RAB11FIP1: variants seen among roughly 807,000 people sequenced by gnomAD.
The protein encoded by RAB11FIP1 is RAB11 family interacting protein 1.
RAB11FIP1 carries 49 observed loss-of-function variants against 83.1 expected under a neutral mutation model. That is an observed-to-expected ratio of 0.59 (90% CI 0.47 to 0.75). RAB11FIP1 has a LOEUF of 0.75. Among genes scored for constraint, RAB11FIP1 ranks in the 30% least tolerant of loss-of-function variants. The pLI, the probability that RAB11FIP1 is intolerant of heterozygous loss-of-function variation, is 0.00. For missense variants in RAB11FIP1, 1,536 were observed against 1,598.7 expected (o/e 0.96, Z 0.67); for synonymous variants, 670 against 656.0 (o/e 1.02, Z -0.33).
At chr8:37,864,960 G>A (rs897746822) in intron 5 of RAB11FIP1, among the ~76,000 whole-genome samples, 4 of 150,340 alleles carry the variant, frequency 2.7e-5, no homozygotes, top group Admixed American at 1.3e-4. Context: ...CCATAGAGAC[G>A]GGATCTCTCT....
At chr8:37,898,995 G>A (rs1050065866) in intron 1 of RAB11FIP1, 76 bp downstream of exon 1, 2 of 1,351,412 alleles carry the variant, frequency 1.5e-6, no homozygotes, top group Admixed American at 7.2e-5. Flanking sequence ...ACTCTCGAAG[G>A]GTCCAGCGCC....
At position 37,895,503 on chromosome 8, in the gene RAB11FIP1, C is replaced by T. The variant is rs536356462; in HGVS notation, c.371+3568G>A. 5.7e-4 allele frequency among the ~76,000 whole-genome samples: 86 copies of T among 150,730 alleles called. 1 individual carries two copies. Among genetic ancestry groups the T allele is most frequent in the African/African-American group, 2.1e-3 (86 of 41,036 alleles). ...CCTCATATTGGTCACCCGATTCTAC[C>T]TGTTAGATTCATGTCTGTTTTGCAG... On this transcript the variant is annotated intron_variant, in intron 1 of 5. Transcript: ENST00000330843.
intron 1 of RAB11FIP1, among the ~76,000 whole-genome samples, chr8:37,888,631 AC>A (rs1806883553): frequency 6.6e-6 from 1 of 151,808 alleles, no homozygotes; most frequent in African/African-American, 2.4e-5. Flanking sequence ...GGCGTGCACC[AC>A]CACACTCTGC....
chr8:37,871,678 G>A lies in RAB11FIP1; in HGVS notation c.3124C>T (p.Pro1042Ser). ...CCGAACTCTGTGGTCTGCTCTGAAGGAGCTGTCACAGATGCCTGGGGTGCT... is the reference window on the plus strand; with the variant it reads ...CCGAACTCTGTGGTCTGCTCTGAAGAAGCTGTCACAGATGCCTGGGGTGCT... ...LQAPQASVTA[P>S]SEQTTEFGIH... Residue 1042 changes from proline (P) to serine (S), a missense_variant, in exon 4 of 6, where the codon CCT becomes TCT. By Grantham distance (74) the Pro-to-Ser change is moderately conservative. Coordinates refer to ENST00000330843, the MANE Select transcript of RAB11FIP1 (RefSeq NM_001002814.3). 1 of 1,613,958 alleles carries A rather than the reference G, an allele frequency of 6.2e-7. No individual in the cohort carries two copies. Among genetic ancestry groups the A allele is most frequent in the Non-Finnish European group, 8.5e-7 (1 of 1,179,992 alleles).
chr8:37,896,179 G>A (rs1227209080), intron 1 of RAB11FIP1, among the ~76,000 whole-genome samples: 3 of 151,764 alleles, frequency 2.0e-5, no homozygotes, highest in Middle Eastern at 3.2e-3. Flanking sequence ...ACATGGTGGC[G>A]GGTGCCTGTA....
intron 5 of RAB11FIP1, among the ~76,000 whole-genome samples, chr8:37,863,479 C>A (rs1806283347): frequency 6.6e-6 from 1 of 152,024 alleles, no homozygotes; most frequent in South Asian, 2.1e-4. Context: ...AACTCCTGAC[C>A]CCAGGTGATC....
At chr8:37,869,101 G>A (rs1226448485) in intron 5 of RAB11FIP1, among the ~76,000 whole-genome samples, 5 of 150,796 alleles carry the variant, frequency 3.3e-5, no homozygotes, top group South Asian at 4.2e-4. Flanking sequence ...GGTGGTGCTC[G>A]CCTGTAGTCC....
rs953100756 is a variant in RAB11FIP1 at position 37,885,417 on chromosome 8, C to G, written c.372-7866G>C. ...ATCCCATGCCCCTCAGTCTCCATAC[C>G]AGAGACAACCACTATTATCAGTTTT... On this transcript the variant is annotated intron_variant, in intron 1 of 5. Coordinates refer to ENST00000330843, the MANE Select transcript of RAB11FIP1 (RefSeq NM_001002814.3). Among the ~76,000 whole-genome samples the G allele has an allele frequency of 3.7e-4, 56 of 152,162 alleles. 2 individuals are homozygous for G. Among genetic ancestry groups the G allele is most frequent in the South Asian group, 2.1e-4 (1 of 4,836 alleles).
At chr8:37,869,186 C>T (rs1456338559) in intron 5 of RAB11FIP1, among the ~76,000 whole-genome samples, 1 of 149,054 alleles carries the variant, frequency 6.7e-6, no homozygotes, top group African/African-American at 2.5e-5. Context: ...CGTGATCATG[C>T]CACTCCACTC....
At chr8:37,895,230 TATATATATATATATATATATATATATATA>T (rs1253406515) in intron 1 of RAB11FIP1, among the ~76,000 whole-genome samples, 7 of 5,722 alleles carry the variant, frequency 1.2e-3, no homozygotes, top group South Asian at 7.9e-3. Flanking sequence ...TATATATATA[TATATATATATATATATATATATATATATA>T]TTTTTTTTTT....
intron 1 of RAB11FIP1, 61 bp from the exon 2 acceptor site, chr8:37,877,612 A>G (rs1226334954): frequency 1.8e-6 from 2 of 1,115,746 alleles, no homozygotes; most frequent in Non-Finnish European, 2.6e-6. Flanking sequence ...AATGTTCACA[A>G]TCCCCATGAA....
At chr8:37,896,135 C>T (rs1022445278) in intron 1 of RAB11FIP1, among the ~76,000 whole-genome samples, 1 of 151,986 alleles carries the variant, frequency 6.6e-6, no homozygotes, top group Non-Finnish European at 1.5e-5. Context: ...CATGGTGAAA[C>T]CCCATCTCTA....
Position 37,871,448 on chromosome 8 carries a change from A to C in RAB11FIP1, c.3354T>G (p.Thr1118=). Residue 1118 remains threonine (T), a synonymous_variant, in exon 4 of 6, where the codon ACT becomes ACG. Coordinates refer to ENST00000330843, the MANE Select transcript of RAB11FIP1 (RefSeq NM_001002814.3). ...GAGATTCTGCTGTGCTGGTGTGGTG[A>C]GTGTCAGAATGTGCAGAGCTGGGGA... ...HSFPSSAHSD[T]HHTSTAESQK... 6.2e-7 allele frequency: 1 copy of C among 1,613,332 alleles called. No individual in the cohort carries two copies. Among genetic ancestry groups the C allele is most frequent in the Non-Finnish European group, 8.5e-7 (1 of 1,179,748 alleles).
chr8:37,867,356 G>A (rs1425425399), intron 5 of RAB11FIP1, among the ~76,000 whole-genome samples: 1 of 152,182 alleles, frequency 6.6e-6, no homozygotes, highest in Non-Finnish European at 1.5e-5. Flanking sequence ...TTCTGGCTGT[G>A]GCTGATAATT....
chr8:37,877,017 C>A, intron 2 of RAB11FIP1, 92 bp downstream of exon 2: 1 of 966,796 alleles, frequency 1.0e-6, no homozygotes, highest in Non-Finnish European at 1.6e-6. Context: ...GAATTAAACT[C>A]TTTCTCTTGA....
chr8:37,888,260 C>T (rs1226836359), intron 1 of RAB11FIP1, among the ~76,000 whole-genome samples: 1 of 152,136 alleles, frequency 6.6e-6, no homozygotes, highest in African/African-American at 2.4e-5. Flanking sequence ...GCGCCCACCA[C>T]TACACCCGGC....
At chr8:37,881,767 GCTCACTGCAGCCCTGGA>G (rs1388140070) in intron 1 of RAB11FIP1, among the ~76,000 whole-genome samples, 1 of 152,050 alleles carries the variant, frequency 6.6e-6, no homozygotes, top group Non-Finnish European at 1.5e-5. Context: ...TGCGATCATA[GCTCACTGCAGCCCTGGA>G]CTCCTGGGCT....
rs1563367782 is a variant in RAB11FIP1 at position 37,872,753 on chromosome 8, GTTC to G, written c.2046_2048del (p.Lys682del). Reference sequence around the variant, plus strand: ...ACTCCTCCAACTCAAGGCTGCTGGTGTTCTTCTCTGTGCCTGTCTCACGGGTCC... The same window carrying G: ...ACTCCTCCAACTCAAGGCTGCTGGTGTTCTCTGTGCCTGTCTCACGGGTCC... On this transcript the variant is annotated inframe_deletion, in exon 4 of 6. Transcript: ENST00000330843. 5.6e-6 allele frequency: 9 copies of G among 1,614,250 alleles called. No individual in the cohort carries two copies. Among genetic ancestry groups the G allele is most frequent in the Middle Eastern group, 1.6e-4 (1 of 6,062 alleles).
intron 1 of RAB11FIP1, among the ~76,000 whole-genome samples, chr8:37,886,999 C>T (rs1202656968): frequency 2.0e-5 from 3 of 152,094 alleles, no homozygotes; most frequent in Non-Finnish European, 2.9e-5. Context: ...GTTTAACGAG[C>T]GCTGGTATTG....
Sources: gnomAD v4.1 joint callset for allele counts (sites outside exome capture counted in the v4.1 genomes callset) on GRCh38, gnomAD v4.1.1 for gene constraint, MANE v1.5 for transcripts, NCBI Gene and HGNC (gene_info 2026-07-23, HGNC 2026-07-21) for gene names.